Variants in PDGFC observed in about 807,000 individuals in gnomAD.
The protein encoded by PDGFC is platelet-derived growth factor C.
Under a neutral mutation model 35.5 loss-of-function variants are expected in PDGFC, and 12 were observed. The observed-to-expected ratio is 0.34, with a 90% CI of 0.22 to 0.55. The LOEUF (loss-of-function observed/expected upper bound fraction) is 0.55. Among genes scored for constraint, PDGFC ranks in the 20% least tolerant of loss-of-function variants. The probability of loss-of-function intolerance (pLI) is 0.91; values close to 1 mark genes in which losing one functional copy is unlikely to be tolerated. For missense variants in PDGFC, 322 were observed against 412.4 expected (o/e 0.78, Z 1.90); for synonymous variants, 159 against 148.8 (o/e 1.07, Z -0.50).
chr4:156,910,248 G>A (rs557359554), intron 1 of PDGFC, among the ~76,000 whole-genome samples: 23 of 152,192 alleles, frequency 1.5e-4, no homozygotes, highest in Middle Eastern at 3.4e-3. Context: ...TCACAAAGTT[G>A]CAAAAATAGT....
At chr4:156,923,190 T>C (rs1449004186) in intron 1 of PDGFC, among the ~76,000 whole-genome samples, 1 of 152,092 alleles carries the variant, frequency 6.6e-6, no homozygotes, top group African/African-American at 2.4e-5. Context: ...TCTGCCCCAC[T>C]AGATCCCCTT....
At chr4:156,797,856 C>T (rs1398116084) in intron 3 of PDGFC, among the ~76,000 whole-genome samples, 1 of 152,124 alleles carries the variant, frequency 6.6e-6, no homozygotes, top group Non-Finnish European at 1.5e-5. Context: ...AGTTAGGTTA[C>T]AGTTCATTAT....
intron 1 of PDGFC, chr4:156,874,011 A>G (rs753971048): frequency 3.7e-4 from 57 of 152,294 alleles, no homozygotes; most frequent in South Asian, 6.2e-4. Context: ...ATGAATTACA[A>G]CTATGATCTG....
intron 1 of PDGFC, among the ~76,000 whole-genome samples, chr4:156,937,337 G>A (rs1236418811): frequency 3.9e-5 from 6 of 152,034 alleles, no homozygotes; most frequent in Non-Finnish European, 5.9e-5. Context: ...CCCAATATGA[G>A]GTATTTCTTC....
At chr4:156,948,393 T>C (rs530680438) in intron 1 of PDGFC, among the ~76,000 whole-genome samples, 4 of 152,012 alleles carry the variant, frequency 2.6e-5, no homozygotes, top group Non-Finnish European at 5.9e-5. Context: ...CTGCGGCCGC[T>C]TTGACTATAT....
At chr4:156,958,263 C>G (rs558889946) in intron 1 of PDGFC, among the ~76,000 whole-genome samples, 49 of 151,696 alleles carry the variant, frequency 3.2e-4, no homozygotes, top group African/African-American at 1.1e-3. Context: ...CACAGAAAAT[C>G]CAGTTTAAAT....
intron 2 of PDGFC, among the ~76,000 whole-genome samples, chr4:156,832,556 A>T (rs1426702893): frequency 6.6e-6 from 1 of 152,212 alleles, no homozygotes; most frequent in Non-Finnish European, 1.5e-5. Flanking sequence ...TGCCTGGCCC[A>T]TGCCATTTTC....
intron 1 of PDGFC, among the ~76,000 whole-genome samples, chr4:156,964,090 C>T (rs1170247361): frequency 1.3e-5 from 2 of 150,942 alleles, no homozygotes; most frequent in African/African-American, 4.9e-5. Context: ...ATAGGTTATA[C>T]TTTCTAGCGT....
chr4:156,933,496 C>T (rs1731601473), intron 1 of PDGFC, among the ~76,000 whole-genome samples: 1 of 152,174 alleles, frequency 6.6e-6, no homozygotes, highest in African/African-American at 2.4e-5. Context: ...AAACAAGCAT[C>T]CTTTCTGCAG....
intron 1 of PDGFC, among the ~76,000 whole-genome samples, chr4:156,857,113 G>A (rs942945356): frequency 6.6e-6 from 1 of 151,314 alleles, no homozygotes; most frequent in South Asian, 2.1e-4. Context: ...ATAATCACAG[G>A]TTGATTTAAA....
intron 1 of PDGFC, among the ~76,000 whole-genome samples, chr4:156,888,954 A>G (rs1730439871): frequency 6.6e-6 from 1 of 152,194 alleles, no homozygotes; most frequent in Admixed American, 6.5e-5. Flanking sequence ...CTTTTGAGGT[A>G]TTCTAATGTT....
chr4:156,819,540 G>T (rs1296680624), intron 2 of PDGFC, among the ~76,000 whole-genome samples: 1 of 152,256 alleles, frequency 6.6e-6, no homozygotes, highest in Admixed American at 6.5e-5. Context: ...TTACAGCATG[G>T]TTTACTAAAT....
intron 3 of PDGFC, among the ~76,000 whole-genome samples, chr4:156,806,129 G>A (rs1199976929): frequency 1.3e-5 from 2 of 152,050 alleles, no homozygotes; most frequent in East Asian, 1.9e-4. Flanking sequence ...AAGTATCACT[G>A]ATTATACATA....
intron 1 of PDGFC, among the ~76,000 whole-genome samples, chr4:156,952,734 A>G (rs1338483848): frequency 6.6e-6 from 1 of 151,900 alleles, no homozygotes; most frequent in East Asian, 1.9e-4. Context: ...TAGTAACACC[A>G]AGTAAATTTC....
intron 1 of PDGFC, among the ~76,000 whole-genome samples, chr4:156,856,873 C>G (rs969324041): frequency 2.6e-5 from 4 of 152,040 alleles, no homozygotes; most frequent in Admixed American, 2.6e-4. Flanking sequence ...CATATTTCAG[C>G]AGAAAGTGAT....
chr4:156,898,038 C>T (rs1730677841), intron 1 of PDGFC, among the ~76,000 whole-genome samples: 3 of 152,122 alleles, frequency 2.0e-5, no homozygotes, highest in African/African-American at 7.2e-5. Context: ...CCTCCCAACA[C>T]GTATATCTTG....
intron 3 of PDGFC, among the ~76,000 whole-genome samples, chr4:156,791,926 T>C (rs1272167707): frequency 6.6e-6 from 1 of 152,166 alleles, no homozygotes; most frequent in Non-Finnish European, 1.5e-5. Context: ...CTAATCTCCA[T>C]TTGGCCATGA....
At chr4:156,805,344 T>C (rs1394510458) in intron 3 of PDGFC, among the ~76,000 whole-genome samples, 1 of 152,056 alleles carries the variant, frequency 6.6e-6, no homozygotes, top group Non-Finnish European at 1.5e-5. Flanking sequence ...TTCCAGTCTC[T>C]AAATACAAAA....
chr4:156,918,216 T>G (rs536603941), intron 1 of PDGFC, among the ~76,000 whole-genome samples: 34 of 152,332 alleles, frequency 2.2e-4, no homozygotes, highest in Admixed American at 5.9e-4. Context: ...ATTCCTTTTC[T>G]CACAAATTTC....
Sources: gnomAD v4.1 joint callset for allele counts (sites outside exome capture counted in the v4.1 genomes callset) on GRCh38, gnomAD v4.1.1 for gene constraint, MANE v1.5 for transcripts, NCBI Gene and HGNC (gene_info 2026-07-23, HGNC 2026-07-21) for gene names.